TTC28: variants seen among roughly 807,000 people sequenced by gnomAD.
TTC28 encodes the protein tetratricopeptide repeat domain 28.
Under a neutral mutation model 198.0 loss-of-function variants are expected in TTC28, and 61 were observed. That is an observed-to-expected ratio of 0.31 (90% CI 0.25 to 0.38). The LOEUF (loss-of-function observed/expected upper bound fraction) is 0.38, where lower values mean the gene tolerates loss of function less well. Among genes scored for constraint, TTC28 ranks in the 10% least tolerant of loss-of-function variants. The probability of loss-of-function intolerance (pLI) is 1.00; values close to 1 mark genes in which losing one functional copy is unlikely to be tolerated. For missense variants in TTC28, 2,678 were observed against 3,164.0 expected, an observed-to-expected ratio of 0.85 and a Z score of 3.69; for synonymous variants, 1,171 against 1,297.8, an observed-to-expected ratio of 0.90 and a Z score of 2.10.
chr22:28,193,946 A>T (rs1925143846), intron 5 of TTC28, among the ~76,000 whole-genome samples: 1 of 152,176 alleles, frequency 6.6e-6, no homozygotes, highest in South Asian at 2.1e-4. Flanking sequence ...CCTAATAGAC[A>T]TCTACAGAAC....
At chr22:28,347,316 G>GTCAT (rs942002903) in intron 2 of TTC28, among the ~76,000 whole-genome samples, 4 of 150,978 alleles carry the variant, frequency 2.6e-5, no homozygotes, top group African/African-American at 9.7e-5. Context: ...ACTCTTGAAA[G>GTCAT]TCATTGCCCT....
At chr22:28,449,049 G>A (rs2047740482) in intron 2 of TTC28, among the ~76,000 whole-genome samples, 1 of 152,194 alleles carries the variant, frequency 6.6e-6, no homozygotes, top group South Asian at 2.1e-4. Context: ...AATAACAATA[G>A]CAGCTAACAC....
intron 5 of TTC28, among the ~76,000 whole-genome samples, chr22:28,211,443 C>A (rs1053629795): frequency 2.0e-5 from 3 of 151,894 alleles, no homozygotes; most frequent in African/African-American, 7.3e-5. Context: ...GGAAGATCTA[C>A]CAAGCAAATG....
At chr22:28,463,951 A>G (rs2047984919) in intron 2 of TTC28, among the ~76,000 whole-genome samples, 1 of 151,916 alleles carries the variant, frequency 6.6e-6, no homozygotes, top group Non-Finnish European at 1.5e-5. Context: ...AATTAAAATA[A>G]AAGAAATTGC....
At chr22:28,624,587 T>A (rs1385986153) in intron 2 of TTC28, among the ~76,000 whole-genome samples, 1 of 152,180 alleles carries the variant, frequency 6.6e-6, no homozygotes, top group Non-Finnish European at 1.5e-5. Context: ...GAAATTGAAT[T>A]CATAATTAAA....
At chr22:28,245,478 A>G (rs1383598030) in intron 5 of TTC28, among the ~76,000 whole-genome samples, 1 of 152,162 alleles carries the variant, frequency 6.6e-6, no homozygotes, top group East Asian at 1.9e-4. Flanking sequence ...GGCTGAATCT[A>G]AGGTCACACT....
intron 2 of TTC28, among the ~76,000 whole-genome samples, chr22:28,479,105 G>A (rs62237645): frequency 6.6e-6 from 1 of 152,208 alleles, no homozygotes; most frequent in South Asian, 2.1e-4. Flanking sequence ...ACAGCTGACC[G>A]GACCAAGTTT....
chr22:28,044,227 T>C (rs1214711645), intron 12 of TTC28, among the ~76,000 whole-genome samples: 6 of 152,196 alleles, frequency 3.9e-5, no homozygotes, highest in Non-Finnish European at 8.8e-5. Flanking sequence ...ATTGCTTTTC[T>C]CTGTATCCTC....
chr22:28,233,945 C>T (rs1404926018), intron 5 of TTC28, among the ~76,000 whole-genome samples: 1 of 149,172 alleles, frequency 6.7e-6, no homozygotes, highest in Admixed American at 6.7e-5. Flanking sequence ...GTCTTGCTGT[C>T]GCCCAGGCTA....
intron 2 of TTC28, among the ~76,000 whole-genome samples, chr22:28,392,870 C>CTTTTTTTTT (rs1245558034): frequency 6.2e-5 from 5 of 80,674 alleles, no homozygotes; most frequent in Non-Finnish European, 6.5e-5. Context: ...TTCCTCCCTC[C>CTTTTTTTTT]TTTTTTTTTT....
In TTC28 at chr22:28,032,500, C is replaced by T. The variant is rs114228244; in HGVS notation, c.3933-2134G>A. ...TACCTGGCATGCAGCAGGTATGCAA[C>T]GGGGAATTGCTGAATGAATGAATGA... On this transcript the variant is annotated intron_variant, in intron 12 of 22. Transcript: ENST00000397906. Among the ~76,000 whole-genome samples the T allele has an allele frequency of 9.3e-3, 1,415 of 151,558 alleles. 25 individuals are homozygous for T. The highest frequency in any genetic ancestry group is 0.032 in the African/African-American group (1,317 of 41,284).
At chr22:28,489,392 C>T (rs1222640880) in intron 2 of TTC28, among the ~76,000 whole-genome samples, 1 of 152,004 alleles carries the variant, frequency 6.6e-6, no homozygotes, top group East Asian at 1.9e-4. Context: ...CCATAACTAT[C>T]AAAGATGTGA....
chr22:28,561,369 C>A (rs1344545260), intron 2 of TTC28, among the ~76,000 whole-genome samples: 1 of 152,226 alleles, frequency 6.6e-6, no homozygotes, highest in Admixed American at 6.5e-5. Context: ...AGACACCACG[C>A]CCGGCCATCT....
chr22:28,038,996 C>G (rs185319110), intron 12 of TTC28, among the ~76,000 whole-genome samples: 6 of 152,186 alleles, frequency 3.9e-5, no homozygotes, highest in African/African-American at 1.4e-4. Flanking sequence ...GTTAGAATGG[C>G]GATCATCAAA....
Position 28,509,883 on chromosome 22 carries a change from G to A in TTC28, c.381+119669C>T, listed in dbSNP as rs568010107. The stretch of plus-strand genomic sequence containing the variant: ...CTCAGAAATACAAACAACCATCAGA[G>A]AATGCTACAAACATTTCTATGCACA... On this transcript the variant is annotated intron_variant, in intron 2 of 22. Transcript: ENST00000397906. Among the ~76,000 whole-genome samples, 122 of 152,264 alleles carry A rather than the reference G, an allele frequency of 8.0e-4. 1 individual carries two copies. The highest frequency in any genetic ancestry group is 1.6e-3 in the Non-Finnish European group (107 of 68,014).
At chr22:28,223,252 A>T (rs1457981256) in intron 5 of TTC28, among the ~76,000 whole-genome samples, 2 of 152,200 alleles carry the variant, frequency 1.3e-5, no homozygotes, top group African/African-American at 4.8e-5. Context: ...TGCTTACTGC[A>T]ATAGGCTCCT....
chr22:28,197,120 A>AG (rs1344883910), intron 5 of TTC28, among the ~76,000 whole-genome samples: 1 of 152,028 alleles, frequency 6.6e-6, no homozygotes, highest in African/African-American at 2.4e-5. Context: ...TGTCCTTTGT[A>AG]GGGACATGGA....
chr22:28,032,778 A>G (rs1939186590), intron 12 of TTC28, among the ~76,000 whole-genome samples: 1 of 152,024 alleles, frequency 6.6e-6, no homozygotes, highest in Non-Finnish European at 1.5e-5. Flanking sequence ...CACAGACTCT[A>G]TGCTTCTCTC....
At chr22:28,476,968 T>C (rs776648379) in intron 2 of TTC28, among the ~76,000 whole-genome samples, 9 of 152,176 alleles carry the variant, frequency 5.9e-5, no homozygotes, top group African/African-American at 7.2e-5. Flanking sequence ...AGAAATAACA[T>C]GGTGAATTGT....
Sources: gnomAD v4.1 joint callset for allele counts (sites outside exome capture counted in the v4.1 genomes callset) on GRCh38, gnomAD v4.1.1 for gene constraint, MANE v1.5 for transcripts, NCBI Gene and HGNC (gene_info 2026-07-23, HGNC 2026-07-21) for gene names.